Variants in PDXDC1 observed in about 807,000 individuals in gnomAD.
PDXDC1 encodes the protein pyridoxal-dependent decarboxylase domain-containing protein 1.
A neutral mutation model predicts 100.1 loss-of-function variants in PDXDC1; 42 were observed. The observed-to-expected ratio is 0.42, with a 90% CI of 0.33 to 0.54. The LOEUF is 0.54. PDXDC1 is among the 20% of genes least tolerant of loss of function. The probability of loss-of-function intolerance (pLI) is 0.10; values close to 1 mark genes in which losing one functional copy is unlikely to be tolerated. For synonymous variants in PDXDC1, 260 were observed against 371.7 expected (o/e 0.70, Z 3.46); for missense variants, 636 against 979.2 (o/e 0.65, Z 4.68).
At chr16:15,066,041 A>G (rs2151763636) in intron 16 of PDXDC1, among the ~76,000 whole-genome samples, 1 of 152,354 alleles carries the variant, frequency 6.6e-6, no homozygotes, top group Admixed American at 6.5e-5. Flanking sequence ...TCTATTGGAC[A>G]GCTTCTCCAA....
chr16:15,144,965 G>A, the PDXDC1 span, among the ~76,000 whole-genome samples: 2 of 152,176 alleles, frequency 1.3e-5, no homozygotes, highest in Non-Finnish European at 2.9e-5. Context: ...GCACACAGCT[G>A]ACATGGAGCC....
chr16:15,028,979 G>A lies in PDXDC1; in HGVS notation c.1293+13G>A, dbSNP rs1446904556. The stretch of plus-strand genomic sequence containing the variant: ...GCTGAATCGCTGGGTGAGAATGGCA[G>A]TCACCCCCCTTTCCTTTCAGGTCCC... On this transcript the variant is annotated intron_variant, in intron 15 of 22. Coordinates refer to ENST00000396410, the MANE Select transcript of PDXDC1 (RefSeq NM_015027.4). 1 of 1,610,364 alleles carries A rather than the reference G, an allele frequency of 6.2e-7. No homozygotes were observed. Among genetic ancestry groups the A allele is most frequent in the Admixed American group, 1.7e-5 (1 of 59,974 alleles).
intron 16 of PDXDC1, chr16:15,125,395 C>G: frequency 4.0e-6 from 3 of 757,608 alleles, no homozygotes; most frequent in South Asian, 2.9e-5. Context: ...CGTCCAGTCA[C>G]GCACGGACAC....
chr16:15,100,733 A>C (rs895093603), intron 16 of PDXDC1, among the ~76,000 whole-genome samples: 10 of 152,170 alleles, frequency 6.6e-5, no homozygotes, highest in African/African-American at 1.2e-4. Flanking sequence ...GGTCCCAGCT[A>C]TATGGGAGGG....
intron 16 of PDXDC1, among the ~76,000 whole-genome samples, chr16:15,064,275 A>G (rs1294116758): frequency 1.3e-5 from 2 of 151,950 alleles, no homozygotes; most frequent in South Asian, 4.1e-4. Flanking sequence ...TCCCGGGTTC[A>G]AGAGATTCTC....
At chr16:15,104,706 G>T in intron 16 of PDXDC1, 1 of 1,597,458 alleles carries the variant, frequency 6.3e-7, no homozygotes, top group Non-Finnish European at 8.5e-7. Context: ...TGTGAGGTAG[G>T]GCCAGCAGGG....
At chr16:15,073,977 G>T (rs1340657918) in intron 16 of PDXDC1, among the ~76,000 whole-genome samples, 1 of 152,130 alleles carries the variant, frequency 6.6e-6, no homozygotes, top group Non-Finnish European at 1.5e-5. Flanking sequence ...TGAAACACTT[G>T]TGTTTAGTGT....
chr16:15,039,384 T>C (rs1397760868), downstream of PDXDC1, among the ~76,000 whole-genome samples: 1 of 152,214 alleles, frequency 6.6e-6, no homozygotes, highest in Non-Finnish European at 1.5e-5. Flanking sequence ...CTGAATGTGA[T>C]TTCCGTTTTT....
At chr16:15,033,103 G>C in intron 18 of PDXDC1, 124 bp downstream of exon 18, 1 of 957,896 alleles carries the variant, frequency 1.0e-6, no homozygotes, top group Non-Finnish European at 1.6e-6. Flanking sequence ...GCGAAGATGC[G>C]GTTCTGAGAC....
the PDXDC1 span, among the ~76,000 whole-genome samples, chr16:15,145,278 TC>T: frequency 1.3e-5 from 2 of 152,168 alleles, no homozygotes; most frequent in African/African-American, 4.8e-5. Flanking sequence ...GCAGCCGGAA[TC>T]CCATCACCCA....
intron 16 of PDXDC1, among the ~76,000 whole-genome samples, chr16:15,111,004 C>G (rs1214800404): frequency 5.4e-5 from 8 of 148,188 alleles, no homozygotes; most frequent in Non-Finnish European, 1.1e-4. Context: ...CAGTGGGCGC[C>G]TGTAATCCGA....
intron 16 of PDXDC1, among the ~76,000 whole-genome samples, chr16:15,071,811 G>C (rs369480985): frequency 2.6e-5 from 4 of 152,056 alleles, no homozygotes; most frequent in Admixed American, 1.3e-4. Flanking sequence ...CAACCTGGGA[G>C]GTACAAATTC....
At chr16:15,003,409 G>A (rs1019163620) in intron 4 of PDXDC1, among the ~76,000 whole-genome samples, 2 of 152,008 alleles carry the variant, frequency 1.3e-5, no homozygotes, top group African/African-American at 2.4e-5. Context: ...GTAGAGATGG[G>A]GTTTCACCAT....
chr16:15,065,957 C>T (rs1214733009), intron 16 of PDXDC1, among the ~76,000 whole-genome samples: 1 of 152,242 alleles, frequency 6.6e-6, no homozygotes, highest in Non-Finnish European at 1.5e-5. Context: ...TAGAAGAAAA[C>T]ATAAAATAAA....
intron 16 of PDXDC1, chr16:15,130,913 C>T (rs1004362529): frequency 4.2e-6 from 3 of 710,078 alleles, no homozygotes; most frequent in East Asian, 2.7e-5. Flanking sequence ...AGCCTCTGCA[C>T]CAGAGCTGGC....
intron 16 of PDXDC1, among the ~76,000 whole-genome samples, chr16:15,059,831 T>G (rs1354027705): frequency 6.6e-6 from 1 of 152,084 alleles, no homozygotes; most frequent in Non-Finnish European, 1.5e-5. Flanking sequence ...TTGCTGGGTG[T>G]GATTAAGGAG....
intron 16 of PDXDC1, chr16:15,047,196 C>T: frequency 1.9e-6 from 1 of 523,028 alleles, no homozygotes; most frequent in South Asian, 2.8e-5. Flanking sequence ...CCTGAGACGA[C>T]ATCAAGTTCA....
intron 3 of PDXDC1, among the ~76,000 whole-genome samples, chr16:15,000,514 G>A (rs1972912168): frequency 6.6e-6 from 1 of 152,396 alleles, no homozygotes; most frequent in Non-Finnish European, 1.5e-5. Context: ...TGTTTTGATG[G>A]CGCTTCCTTT....
intron 16 of PDXDC1, among the ~76,000 whole-genome samples, chr16:15,055,131 C>T (rs1049839442): frequency 5.3e-5 from 8 of 152,140 alleles, no homozygotes; most frequent in Non-Finnish European, 1.2e-4. Flanking sequence ...CTGATTGATT[C>T]CCCTTTAACA....
Sources: gnomAD v4.1 joint callset for allele counts (sites outside exome capture counted in the v4.1 genomes callset) on GRCh38, gnomAD v4.1.1 for gene constraint, MANE v1.5 for transcripts, NCBI Gene and HGNC (gene_info 2026-07-23, HGNC 2026-07-21) for gene names.